MGAT5: variants seen among roughly 807,000 people sequenced by gnomAD.
The protein encoded by MGAT5 is alpha-1,6-mannosylglycoprotein 6-beta-N-acetylglucosaminyltransferase A.
In MGAT5, 30 loss-of-function variants were observed where a neutral mutation model predicts 94.3. That is an observed-to-expected ratio of 0.32 (90% CI 0.24 to 0.43). The LOEUF is 0.43. Among genes scored for constraint, MGAT5 ranks in the 20% least tolerant of loss-of-function variants. The pLI is 1.00. For missense variants in MGAT5, 691 were observed against 905.5 expected, an observed-to-expected ratio of 0.76 and a Z score of 3.04; for synonymous variants, 310 against 322.9, an observed-to-expected ratio of 0.96 and a Z score of 0.43.
chr2:134,126,171 T>C (rs924993284), intron 1 of MGAT5, among the ~76,000 whole-genome samples: 1 of 152,240 alleles, frequency 6.6e-6, no homozygotes, highest in African/African-American at 2.4e-5. Flanking sequence ...CCCGTTTCCT[T>C]TCCTGCCCTC....
At chr2:134,213,246 TG>T (rs1680291679) in intron 1 of MGAT5, among the ~76,000 whole-genome samples, 1 of 152,040 alleles carries the variant, frequency 6.6e-6, no homozygotes, top group Non-Finnish European at 1.5e-5. Flanking sequence ...TGAAATGAAG[TG>T]AAGTTGTGTT....
In MGAT5 at chr2:134,254,431, T is replaced by C; in HGVS notation, c.28T>C (p.Ser10Pro). The C allele has an allele frequency of 6.2e-7, 1 of 1,614,214 alleles. No homozygotes were observed. The highest frequency in any genetic ancestry group is 8.5e-7 in the Non-Finnish European group (1 of 1,180,028). MALFTPWKL[S>P]SQKLGFFLVT... is the part of the protein sequence containing the mutation. ...GGCTCTCTTCACTCCGTGGAAGTTG[T>C]CCTCTCAGAAGCTGGGCTTTTTCCT... is the stretch of plus-strand genomic sequence containing the variant. Residue 10 changes from serine to proline, a missense_variant, in exon 1 of 16, where the codon TCC becomes CCC. This residue lies in a region of MGAT5 where 307 missense variants were observed against 335.4 expected (regional missense o/e 0.92). Coordinates refer to ENST00000281923, the MANE Select transcript of MGAT5 (RefSeq NM_002410.5).
intron 10 of MGAT5, among the ~76,000 whole-genome samples, chr2:134,374,581 T>G (rs1357924842): frequency 2.0e-5 from 3 of 152,238 alleles, no homozygotes; most frequent in Non-Finnish European, 4.4e-5. Flanking sequence ...TCTAAAGTCA[T>G]GTTTAGCATC....
upstream of MGAT5, among the ~76,000 whole-genome samples, chr2:134,252,544 C>A (rs1160471829): frequency 6.6e-6 from 1 of 152,178 alleles, no homozygotes; most frequent in Non-Finnish European, 1.5e-5. Context: ...CTGTGGACCA[C>A]ATCTCCTCAG....
chr2:134,224,332 T>A (rs1418657956), intron 1 of MGAT5, among the ~76,000 whole-genome samples: 1 of 152,238 alleles, frequency 6.6e-6, no homozygotes, highest in Non-Finnish European at 1.5e-5. Flanking sequence ...GAATGAGTGA[T>A]AACCTGTGTC....
chr2:134,431,905 G>C (rs1053634126), intron 14 of MGAT5, among the ~76,000 whole-genome samples: 6 of 152,164 alleles, frequency 3.9e-5, no homozygotes, highest in African/African-American at 1.2e-4. Flanking sequence ...CAATGAGAAA[G>C]ACTCCTGGAT....
intron 14 of MGAT5, among the ~76,000 whole-genome samples, chr2:134,439,674 G>A (rs1315227152): frequency 6.6e-6 from 1 of 152,110 alleles, no homozygotes; most frequent in African/African-American, 2.4e-5. Context: ...TCCAGCCTGG[G>A]CGACAGAACA....
chr2:134,340,489 C>A (rs1313320439), intron 6 of MGAT5, among the ~76,000 whole-genome samples: 1 of 152,112 alleles, frequency 6.6e-6, no homozygotes, highest in Admixed American at 6.6e-5. Flanking sequence ...TGAAGCATAT[C>A]AAATATGCTT....
intron 9 of MGAT5, among the ~76,000 whole-genome samples, chr2:134,352,595 G>T (rs1679457209): frequency 6.6e-6 from 1 of 152,184 alleles, no homozygotes; most frequent in African/African-American, 2.4e-5. Context: ...TGGATAAAGT[G>T]ATTCCCATTG....
At chr2:134,162,761 G>C (rs1687795152) in intron 1 of MGAT5, among the ~76,000 whole-genome samples, 1 of 152,208 alleles carries the variant, frequency 6.6e-6, no homozygotes, top group Non-Finnish European at 1.5e-5. Context: ...CTATGCACCA[G>C]ACATGATGCT....
At chr2:134,358,536 G>A (rs1314706500) in intron 9 of MGAT5, among the ~76,000 whole-genome samples, 2 of 152,192 alleles carry the variant, frequency 1.3e-5, no homozygotes, top group African/African-American at 4.8e-5. Context: ...GGATTTTTGA[G>A]AAACTAATAT....
At chr2:134,331,503 C>T (rs1341664191) in intron 4 of MGAT5, among the ~76,000 whole-genome samples, 1 of 152,178 alleles carries the variant, frequency 6.6e-6, no homozygotes, top group East Asian at 1.9e-4. Context: ...ATTTCTTAGA[C>T]TTATGGTGGT....
chr2:134,247,175 G>T (rs867045435), intron 1 of MGAT5, among the ~76,000 whole-genome samples: 1 of 152,136 alleles, frequency 6.6e-6, no homozygotes, highest in Non-Finnish European at 1.5e-5. Flanking sequence ...GCTGAAAAGA[G>T]AAGTAGTAGA....
chr2:134,298,792 T>C (rs751362052), intron 2 of MGAT5, among the ~76,000 whole-genome samples: 8 of 152,052 alleles, frequency 5.3e-5, no homozygotes, highest in Non-Finnish European at 8.8e-5. Context: ...GTTGAGTGTG[T>C]TTATGTAGGC....
At position 134,355,026 on chromosome 2, in the gene MGAT5, A is replaced by G. The variant is rs553527793; in HGVS notation, c.1246+5088A>G. ...TCCACAGCAAAGTATTCAAGACCTTAGGCTCTCTGGCCTCAACTCCCGACC... is the reference window on the plus strand; with the variant it reads ...TCCACAGCAAAGTATTCAAGACCTTGGGCTCTCTGGCCTCAACTCCCGACC... On this transcript the variant is annotated intron_variant, in intron 9 of 15. Transcript: ENST00000281923. 5.3e-5 allele frequency among the ~76,000 whole-genome samples: 8 copies of G among 152,264 alleles called. No homozygotes were observed. In the East Asian group the frequency reaches 1.4e-3, roughly 26 times the overall value.
intron 1 of MGAT5, among the ~76,000 whole-genome samples, chr2:134,190,242 G>T (rs1689297993): frequency 1.3e-5 from 2 of 152,176 alleles, no homozygotes; most frequent in African/African-American, 4.8e-5. Context: ...TGATGGGCAG[G>T]CTTGTGGTAA....
At chr2:134,230,697 T>C (rs1287976133) in intron 1 of MGAT5, among the ~76,000 whole-genome samples, 1 of 152,202 alleles carries the variant, frequency 6.6e-6, no homozygotes, top group Non-Finnish European at 1.5e-5. Context: ...CTTCATACAC[T>C]GGTGGTAGGA....
intron 10 of MGAT5, among the ~76,000 whole-genome samples, chr2:134,381,382 T>TAAGATAAGA (rs1553457734): frequency 0.037 from 3,924 of 105,132 alleles, 81 homozygotes; most frequent in East Asian, 0.049. Context: ...ATAAGATAGA[T>TAAGATAAGA]TAGATAGATA....
chr2:134,413,322 G>A (rs1196063360), intron 12 of MGAT5, among the ~76,000 whole-genome samples: 1 of 152,178 alleles, frequency 6.6e-6, no homozygotes, highest in Admixed American at 6.5e-5. Flanking sequence ...TTTAGGGAGT[G>A]AGATCAACTG....
Sources: gnomAD v4.1 joint callset for allele counts (sites outside exome capture counted in the v4.1 genomes callset) on GRCh38, gnomAD v4.1.1 for gene constraint, gnomAD v4.1.1 regional missense constraint, MANE v1.5 for transcripts, NCBI Gene and HGNC (gene_info 2026-07-23, HGNC 2026-07-21) for gene names.